ATP8A2: variants seen among roughly 807,000 people sequenced by gnomAD.
The protein encoded by ATP8A2 is ATPase phospholipid transporting 8A2.
Under a neutral mutation model 165.6 loss-of-function variants are expected in ATP8A2, and 100 were observed. That is an observed-to-expected ratio of 0.60 (90% CI 0.51 to 0.71). The LOEUF (loss-of-function observed/expected upper bound fraction) is 0.71, where lower values mean the gene tolerates loss of function less well. ATP8A2 is among the 30% of genes least tolerant of loss of function. The probability of loss-of-function intolerance (pLI) is 0.00; values close to 1 mark genes in which losing one functional copy is unlikely to be tolerated. For synonymous variants in ATP8A2, 543 were observed against 548.8 expected (o/e 0.99, Z 0.15); for missense variants, 1,227 against 1,479.5 (o/e 0.83, Z 2.80).
At chr13:25,602,652 T>G (rs1305458453) in intron 24 of ATP8A2, among the ~76,000 whole-genome samples, 2 of 150,490 alleles carry the variant, frequency 1.3e-5, no homozygotes, top group Non-Finnish European at 3.0e-5. Context: ...GAGGGGAGAG[T>G]GAAGAGGGAG....
chr13:25,841,340 G>A lies in ATP8A2; in HGVS notation c.2956+1716G>A, dbSNP rs1220218038. 2.6e-5 allele frequency among the ~76,000 whole-genome samples: 4 copies of A among 152,182 alleles called. No individual in the cohort carries two copies. The East Asian group carries it at 5.8e-4, about 22-fold the overall frequency. ...TTACCTGGCAGGCAGCCAATAGGAT[G>A]CTTTTTTCCTCTTTTTATTATCACC... On this transcript the variant is annotated intron_variant, in intron 30 of 36. Coordinates refer to ENST00000381655, the MANE Select transcript of ATP8A2 (RefSeq NM_016529.6).
intron 24 of ATP8A2, among the ~76,000 whole-genome samples, chr13:25,688,661 C>G (rs2042657325): frequency 6.6e-6 from 1 of 152,198 alleles, no homozygotes; most frequent in African/African-American, 2.4e-5. Flanking sequence ...GACAGCTGTT[C>G]TTTTCTCTCA....
chr13:25,802,957 G>GTTT (rs80079935), intron 27 of ATP8A2, among the ~76,000 whole-genome samples: 1 of 136,204 alleles, frequency 7.3e-6, no homozygotes, highest in African/African-American at 2.6e-5. Context: ...TCAAAGGTGA[G>GTTT]TTTTTTTTTT....
chr13:25,642,934 A>G (rs907892970), intron 24 of ATP8A2, among the ~76,000 whole-genome samples: 1 of 152,180 alleles, frequency 6.6e-6, no homozygotes, highest in Non-Finnish European at 1.5e-5. Flanking sequence ...GAAGCTGGAA[A>G]CCATTATTCT....
chr13:25,765,606 G>C (rs1353239698), intron 25 of ATP8A2, among the ~76,000 whole-genome samples: 1 of 152,118 alleles, frequency 6.6e-6, no homozygotes, highest in Non-Finnish European at 1.5e-5. Flanking sequence ...AGAATTTCAT[G>C]CTCCTAAAAT....
At chr13:25,672,328 T>C (rs931572903) in intron 24 of ATP8A2, among the ~76,000 whole-genome samples, 2 of 152,194 alleles carry the variant, frequency 1.3e-5, no homozygotes, top group African/African-American at 2.4e-5. Flanking sequence ...GAAAGTATCT[T>C]AGGTCTTTTG....
intron 25 of ATP8A2, among the ~76,000 whole-genome samples, chr13:25,751,253 G>A (rs942318347): frequency 6.6e-6 from 1 of 152,144 alleles, no homozygotes; most frequent in Non-Finnish European, 1.5e-5. Context: ...CCTACCAGAA[G>A]GGTAAAGGCA....
intron 13 of ATP8A2, among the ~76,000 whole-genome samples, chr13:25,555,414 C>G (rs2138079996): frequency 6.6e-6 from 1 of 152,172 alleles, no homozygotes; most frequent in African/African-American, 2.4e-5. Context: ...TATTGAGTAA[C>G]CCTACAAAAC....
chr13:25,829,576 A>C (rs1407138939), intron 28 of ATP8A2, among the ~76,000 whole-genome samples: 1 of 149,914 alleles, frequency 6.7e-6, no homozygotes, highest in Non-Finnish European at 1.5e-5. Flanking sequence ...AATGGAGCTG[A>C]CACTTCACAC....
intron 33 of ATP8A2, among the ~76,000 whole-genome samples, chr13:25,942,322 A>G (rs1324408): frequency 0.42 from 63,909 of 152,184 alleles, 14,488 homozygotes; most frequent in African/African-American, 0.61. Context: ...ATCTGGAATG[A>G]AATGCACATT....
intron 27 of ATP8A2, among the ~76,000 whole-genome samples, chr13:25,822,995 A>G (rs1350813369): frequency 6.6e-6 from 1 of 152,236 alleles, no homozygotes; most frequent in Admixed American, 6.5e-5. Flanking sequence ...GATAAAGATG[A>G]CTTATTAAAC....
At chr13:25,670,093 C>T (rs527991819) in intron 24 of ATP8A2, among the ~76,000 whole-genome samples, 44 of 152,228 alleles carry the variant, frequency 2.9e-4, no homozygotes, top group African/African-American at 6.7e-4. Flanking sequence ...TTTCTTCATT[C>T]GGCATATTCC....
intron 2 of ATP8A2, among the ~76,000 whole-genome samples, chr13:25,498,936 C>T (rs1469098403): frequency 6.6e-6 from 1 of 152,128 alleles, no homozygotes; most frequent in Non-Finnish European, 1.5e-5. Context: ...GTCCTGTACC[C>T]AGAGACTGTT....
intron 2 of ATP8A2, among the ~76,000 whole-genome samples, chr13:25,483,866 T>A (rs191939433): frequency 8.1e-4 from 124 of 152,368 alleles, no homozygotes; most frequent in Admixed American, 1.2e-3. Context: ...TCTTTGCCAC[T>A]CATTTTGCTC....
chr13:25,621,708 T>G (rs2040973821), intron 24 of ATP8A2, among the ~76,000 whole-genome samples: 1 of 152,198 alleles, frequency 6.6e-6, no homozygotes, highest in South Asian at 2.1e-4. Context: ...GTTATCCTCT[T>G]TAGAAGTATC....
intron 33 of ATP8A2, among the ~76,000 whole-genome samples, chr13:25,897,456 GC>G: frequency 6.7e-6 from 1 of 149,452 alleles, no homozygotes; most frequent in East Asian, 2.0e-4. Context: ...CTCTCTGGCT[GC>G]CCTTAACATT....
chr13:25,427,481 C>T (rs909908148), intron 1 of ATP8A2, among the ~76,000 whole-genome samples: 2 of 152,122 alleles, frequency 1.3e-5, no homozygotes, highest in African/African-American at 4.8e-5. Context: ...AACTATCCCT[C>T]CACGCCCGGG....
intron 24 of ATP8A2, among the ~76,000 whole-genome samples, chr13:25,618,702 C>G (rs1356371514): frequency 1.4e-5 from 2 of 144,206 alleles, no homozygotes; most frequent in Non-Finnish European, 3.0e-5. Flanking sequence ...TTTTTTTTTC[C>G]CAGCAAGATC....
intron 25 of ATP8A2, 102 bp downstream of exon 25, chr13:25,699,447 G>C: frequency 1.0e-6 from 1 of 985,404 alleles, no homozygotes; most frequent in Non-Finnish European, 1.4e-6. Flanking sequence ...TTAAAGTTTT[G>C]TATCTAAAAA....
Sources: allele counts gnomAD v4.1 joint callset (sites outside exome capture counted in the v4.1 genomes callset), GRCh38; gene constraint gnomAD v4.1.1; transcripts MANE v1.5; gene names NCBI Gene and HGNC (gene_info 2026-07-23, HGNC 2026-07-21).